TM4SF1: variants seen among roughly 807,000 people sequenced by gnomAD.
TM4SF1 encodes transmembrane 4 L six family member 1.
A neutral mutation model predicts 24.5 loss-of-function variants in TM4SF1; 20 were observed. The ratio of observed to expected loss-of-function variants is 0.82; its 90% CI spans 0.57 to 1.19. The LOEUF (loss-of-function observed/expected upper bound fraction) is 1.19. Ranked by LOEUF, TM4SF1 falls within the 50% of genes most tolerant of loss-of-function variation. The pLI, the probability that TM4SF1 is intolerant of heterozygous loss-of-function variation, is 0.00. For synonymous variants in TM4SF1, 107 were observed against 95.4 expected, an observed-to-expected ratio of 1.12 and a Z score of -0.71; for missense variants, 258 against 248.1, an observed-to-expected ratio of 1.04 and a Z score of -0.27.
rs533199849 is a variant in TM4SF1 at position 149,377,427 on chromosome 3, T to A, written c.121A>T (p.Asn41Tyr). Residue 41 changes from asparagine to tyrosine, a missense_variant, in exon 1 of 5, where the codon AAC becomes TAC. By Grantham distance (143) the Asn-to-Tyr change is moderately radical. Coordinates refer to ENST00000305366, the MANE Select transcript of TM4SF1 (RefSeq NM_014220.3). Reference protein sequence around the residue: ...PNGETKYASENHLSRFVWFFS... With the variant: ...PNGETKYASEYHLSRFVWFFS... The stretch of plus-strand genomic sequence containing the variant: ...AACCACACGAAGCGGCTGAGGTGGT[T>A]TTCGGAGGCATACTTTGTTTCCCCA... The A allele has an allele frequency of 8.1e-6, 13 of 1,614,218 alleles. No homozygotes were observed. The South Asian group carries it at 1.4e-4, about 18-fold the overall frequency.
intron 3 of TM4SF1, among the ~76,000 whole-genome samples, chr3:149,372,937 G>A (rs6440603): frequency 0.17 from 26,099 of 152,132 alleles, 2,572 homozygotes; most frequent in East Asian, 0.39. Flanking sequence ...ACAGGGCACG[G>A]GCTCTGTCCT....
intron 3 of TM4SF1, 146 bp downstream of exon 3, chr3:149,375,297 C>A: frequency 9.9e-7 from 1 of 1,009,844 alleles, no homozygotes; most frequent in Non-Finnish European, 1.4e-6. Context: ...TACCTATTGC[C>A]TAAACCATGC....
intron 1 of TM4SF1, 47 bp downstream of exon 1, chr3:149,377,324 C>A: frequency 2.6e-6 from 4 of 1,558,700 alleles, no homozygotes; most frequent in Non-Finnish European, 2.6e-6. Flanking sequence ...ATAATGAAAA[C>A]ATCTAGGAAA....
chr3:149,369,914 T>C (rs745787750), intron 4 of TM4SF1, 34 bp from the exon 5 acceptor site: 1 of 1,593,362 alleles, frequency 6.3e-7, no homozygotes, highest in Non-Finnish European at 8.5e-7. Context: ...TAGGCTATAA[T>C]CAGGATAAAT....
At chr3:149,370,077 A>G in intron 4 of TM4SF1, 197 bp from the exon 5 acceptor site, 1 of 556,548 alleles carries the variant, frequency 1.8e-6, no homozygotes, top group Non-Finnish European at 3.0e-6. Flanking sequence ...GTCTTCCATG[A>G]GTAAAGGCTG....
chr3:149,369,926 A>G (rs768871741), intron 4 of TM4SF1, 46 bp from the exon 5 acceptor site: 2 of 1,584,096 alleles, frequency 1.3e-6, no homozygotes, highest in Non-Finnish European at 8.5e-7. Context: ...AGGATAAATA[A>G]TGATGACATT....
At chr3:149,375,350 T>G in intron 3 of TM4SF1, 93 bp downstream of exon 3, 1 of 1,491,166 alleles carries the variant, frequency 6.7e-7, no homozygotes. Context: ...GGTGGATGGA[T>G]GGATAAGTGG....
chr3:149,371,939 G>A lies in TM4SF1; in HGVS notation c.414-72C>T, dbSNP rs184255357. On this transcript the variant is annotated intron_variant, in intron 3 of 4. Coordinates refer to ENST00000305366, the MANE Select transcript of TM4SF1 (RefSeq NM_014220.3). ...GATACTTCATAAACTACTTTTGTTT[G>A]GTGGTTTTTCATTCAGAAAAAAGGA... The A allele has an allele frequency of 3.6e-4, 529 of 1,452,130 alleles. 2 individuals carry two copies. The African/African-American group carries it at 6.4e-3, about 17-fold the overall frequency. The allele number at this position is 1,452,130 out of a possible 1,614,324, so 90.0% of individuals were successfully genotyped here.
intron 3 of TM4SF1, among the ~76,000 whole-genome samples, chr3:149,373,943 C>A (rs1196116244): frequency 6.6e-6 from 1 of 152,140 alleles, no homozygotes; most frequent in Non-Finnish European, 1.5e-5. Flanking sequence ...ATGTGAATAG[C>A]CATTTTCTAC....
chr3:149,370,725 C>T (rs769660848), intron 4 of TM4SF1: 13 of 152,122 alleles, frequency 8.5e-5, no homozygotes, highest in Non-Finnish European at 1.9e-4. Context: ...TTCATTTTAA[C>T]CTTCCCCCAA....
chr3:149,375,143 T>G (rs1036137758), intron 3 of TM4SF1, among the ~76,000 whole-genome samples: 2 of 152,142 alleles, frequency 1.3e-5, no homozygotes, highest in African/African-American at 4.8e-5. Context: ...AGTTAGAGGC[T>G]GCAGTAAGCT....
In TM4SF1 at chr3:149,369,778, A is replaced by G. The variant is rs183666836; in HGVS notation, c.*88T>C. Reference sequence around the variant, plus strand: ...AGACTGTGGGGAGTATGTTACACTAATACAAAGTTTTACAAATGAATACAA... The same window carrying G: ...AGACTGTGGGGAGTATGTTACACTAGTACAAAGTTTTACAAATGAATACAA... On this transcript the variant is annotated 3_prime_UTR_variant, in exon 5 of 5. Coordinates refer to ENST00000305366, the MANE Select transcript of TM4SF1 (RefSeq NM_014220.3). The G allele has an allele frequency of 9.5e-5, 148 of 1,563,736 alleles. 1 individual carries two copies. In the East Asian group the frequency reaches 3.3e-3, roughly 35 times the overall value.
intron 1 of TM4SF1, 87 bp downstream of exon 1, chr3:149,377,284 T>G: frequency 1.3e-6 from 2 of 1,484,130 alleles, no homozygotes; most frequent in South Asian, 2.8e-5. Context: ...TTTAGAAATA[T>G]GCATTACAAA....
At chr3:149,371,927 C>G (rs1331650939) in intron 3 of TM4SF1, 60 bp from the exon 4 acceptor site, 1 of 1,525,428 alleles carries the variant, frequency 6.6e-7, no homozygotes, top group Non-Finnish European at 9.0e-7. Flanking sequence ...ACTTCATAAA[C>G]TACTTTTGTT....
Position 149,375,716 on chromosome 3 carries a change from G to A in TM4SF1, c.231C>T (p.Gly77=). The A allele has an allele frequency of 6.2e-7, 1 of 1,614,220 alleles. No individual in the cohort carries two copies. Among genetic ancestry groups the A allele is most frequent in the Non-Finnish European group, 8.5e-7 (1 of 1,180,036 alleles). ...FIGLEQDDCC[G]CCGHENCGKR... is the part of the protein sequence containing the mutation. ...TGCCACAGTTTTCATGGCCACAGCA[G>A]CCACAGCAGTCATCCTGTTCCAGCC... Residue 77 remains glycine, a synonymous_variant, in exon 2 of 5, where the codon GGC becomes GGT. Transcript: ENST00000305366.
chr3:149,377,274 T>A, intron 1 of TM4SF1, 97 bp downstream of exon 1: 1 of 1,454,010 alleles, frequency 6.9e-7, no homozygotes, highest in Non-Finnish European at 9.2e-7. Flanking sequence ...AGTCACTTGA[T>A]TTAGAAATAT....
At chr3:149,375,832 G>A in intron 1 of TM4SF1, 63 bp from the exon 2 acceptor site, 1 of 1,426,504 alleles carries the variant, frequency 7.0e-7, no homozygotes, top group South Asian at 1.2e-5. Context: ...GTCAGGTTAG[G>A]CATCTCTTGG....
rs1731775723 is a variant in TM4SF1, at chr3:149,369,769, G to C, written c.*97C>G. 6.6e-7 allele frequency: 1 copy of C among 1,510,802 alleles called. No homozygotes were observed. The highest frequency in any genetic ancestry group is 1.4e-5 in the African/African-American group (1 of 71,880). 93.6% of individuals were successfully genotyped at this position (1,510,802 alleles called of 1,614,324 possible). A position where few individuals can be genotyped will look rare whatever the true frequency, so the allele number is the denominator to read the frequency against. ...TGTAAAAGTAGACTGTGGGGAGTAT[G>C]TTACACTAATACAAAGTTTTACAAA... On this transcript the variant is annotated 3_prime_UTR_variant, in exon 5 of 5. Coordinates refer to ENST00000305366, the MANE Select transcript of TM4SF1 (RefSeq NM_014220.3).
At chr3:149,376,173 T>C (rs1576850149) in intron 1 of TM4SF1, among the ~76,000 whole-genome samples, 1 of 152,232 alleles carries the variant, frequency 6.6e-6, no homozygotes, top group Non-Finnish European at 1.5e-5. Context: ...TAACTGAAAC[T>C]TTTTTGTAAA....
Sources: allele counts gnomAD v4.1 joint callset (sites outside exome capture counted in the v4.1 genomes callset), GRCh38; gene constraint gnomAD v4.1.1; transcripts MANE v1.5; gene names NCBI Gene and HGNC (gene_info 2026-07-23, HGNC 2026-07-21).